Variants in ZCCHC2 observed in about 807,000 individuals in gnomAD.
ZCCHC2 encodes the protein zinc finger CCHC domain-containing protein 2.
A neutral mutation model predicts 103.6 loss-of-function variants in ZCCHC2; 39 were observed. The observed-to-expected ratio is 0.38, with a 90% CI of 0.29 to 0.49. The LOEUF (loss-of-function observed/expected upper bound fraction) is 0.49, where lower values mean the gene tolerates loss of function less well. ZCCHC2 is among the 20% of genes least tolerant of loss of function. The pLI, the probability that ZCCHC2 is intolerant of heterozygous loss-of-function variation, is 0.96. For synonymous variants in ZCCHC2, 687 were observed against 608.9 expected (o/e 1.13, Z -1.89); for missense variants, 1,483 against 1,491.0 (o/e 0.99, Z 0.09).
downstream of ZCCHC2, among the ~76,000 whole-genome samples, chr18:62,579,069 C>G (rs1377253995): frequency 6.6e-6 from 1 of 152,104 alleles, no homozygotes; most frequent in African/African-American, 2.4e-5. Flanking sequence ...TGCCCGGCCT[C>G]CCAAGTAACT....
chr18:62,568,512 G>A (rs780771862), intron 11 of ZCCHC2, among the ~76,000 whole-genome samples: 32 of 152,144 alleles, frequency 2.1e-4, no homozygotes, highest in Admixed American at 1.3e-4. Flanking sequence ...TGGAAGCTGC[G>A]GTTTTGTATA....
At chr18:62,539,949 G>A (rs761365229) in intron 2 of ZCCHC2, among the ~76,000 whole-genome samples, 157 bp downstream of exon 2, 1 of 152,164 alleles carries the variant, frequency 6.6e-6, no homozygotes, top group African/African-American at 2.4e-5. Context: ...TCCTAGTTCT[G>A]CCATCTGCAC....
intron 9 of ZCCHC2, among the ~76,000 whole-genome samples, chr18:62,563,396 C>T (rs967667471): frequency 6.6e-6 from 1 of 152,154 alleles, no homozygotes; most frequent in Admixed American, 6.6e-5. Flanking sequence ...CCATGGGTCA[C>T]GCTTCTAATC....
At chr18:62,569,960 A>G in intron 11 of ZCCHC2, 143 bp from the exon 12 acceptor site, 1 of 655,010 alleles carries the variant, frequency 1.5e-6, no homozygotes, top group Non-Finnish European at 2.5e-6. Context: ...TAATTTAATC[A>G]GTTTAGATCA....
chr18:62,530,183 G>A (rs1914620193), intron 1 of ZCCHC2, among the ~76,000 whole-genome samples: 1 of 152,106 alleles, frequency 6.6e-6, no homozygotes, highest in African/African-American at 2.4e-5. Context: ...TGGAGAAGGG[G>A]TCAGGAAGAG....
Position 62,524,205 on chromosome 18 carries a change from C to G in ZCCHC2, c.781C>G (p.Leu261Val), listed in dbSNP as rs578197659. 3 of 1,549,908 alleles carry G rather than the reference C, an allele frequency of 1.9e-6. No homozygotes were observed. Among genetic ancestry groups the G allele is most frequent in the Non-Finnish European group, 2.6e-6 (3 of 1,146,648 alleles). Residue 261 changes from leucine (L) to valine (V), a missense_variant, in exon 1 of 14, where the codon CTG becomes GTG. Around this residue, in one of 3 missense-constraint regions of ZCCHC2, gnomAD observed 568 missense variants for 525.1 expected, o/e 1.08. Coordinates refer to ENST00000269499, the MANE Select transcript of ZCCHC2 (RefSeq NM_017742.6). ...LGSRAQEELL[L>V]LFTMASLHPA... is the part of the protein sequence containing the mutation. ...CTCCAGGGCCCAGGAGGAACTGCTG[C>G]TGCTCTTCACCATGGCCTCGCTGCA...
intron 12 of ZCCHC2, among the ~76,000 whole-genome samples, chr18:62,573,044 A>G (rs1916653501): frequency 6.6e-6 from 1 of 152,192 alleles, no homozygotes; most frequent in Non-Finnish European, 1.5e-5. Flanking sequence ...GCTTTCATTT[A>G]ATCTTTCTTC....
chr18:62,526,704 C>T (rs1914415681), intron 1 of ZCCHC2, among the ~76,000 whole-genome samples: 2 of 152,030 alleles, frequency 1.3e-5, no homozygotes, highest in African/African-American at 2.4e-5. Flanking sequence ...CGCGTGGAGG[C>T]GCCGCGACCC....
intron 1 of ZCCHC2, 154 bp from the exon 2 acceptor site, chr18:62,539,527 A>G (rs1305678418): frequency 3.6e-6 from 2 of 548,762 alleles, no homozygotes; most frequent in Non-Finnish European, 6.5e-6. Flanking sequence ...TGCGGCTCTC[A>G]CACTGTGCCT....
intron 4 of ZCCHC2, among the ~76,000 whole-genome samples, chr18:62,548,547 G>A (rs1482073672): frequency 6.6e-6 from 1 of 152,202 alleles, no homozygotes; most frequent in African/African-American, 2.4e-5. Context: ...AAAATGGGTA[G>A]TAGGATATAT....
chr18:62,548,421 T>C (rs531394775), intron 4 of ZCCHC2, among the ~76,000 whole-genome samples: 8 of 152,348 alleles, frequency 5.3e-5, no homozygotes, highest in African/African-American at 1.4e-4. Context: ...TCAATAGTTA[T>C]ACGCTGTTGC....
At chr18:62,542,458 T>C (rs1915238265) in intron 2 of ZCCHC2, 40 bp from the exon 3 acceptor site, 2 of 1,513,528 alleles carry the variant, frequency 1.3e-6, no homozygotes, top group Non-Finnish European at 1.8e-6. Context: ...GTGTCTATAG[T>C]CTTTGTAGCA....
chr18:62,574,874 G>A lies in ZCCHC2; in HGVS notation c.2793G>A (p.Gln931=). 6.2e-7 allele frequency: 1 copy of A among 1,613,844 alleles called. No individual in the cohort carries two copies. ...SPLAAGVLPS[Q]NSSVLSTAAT... ...TTGCTGCCGGCGTGTTACCCAGCCAGAACTCCAGTGTGCTCAGCACAGCAG... is the reference window on the plus strand; with the variant it reads ...TTGCTGCCGGCGTGTTACCCAGCCAAAACTCCAGTGTGCTCAGCACAGCAG... The change falls in exon 13 of 14, where the codon CAG becomes CAA. Residue 931 remains glutamine, a synonymous_variant. Coordinates refer to ENST00000269499, the MANE Select transcript of ZCCHC2 (RefSeq NM_017742.6).
chr18:62,539,719 G>A lies in ZCCHC2; in HGVS notation c.978G>A (p.Glu326=). Residue 326 remains glutamate (E), a synonymous_variant, in exon 2 of 14, where the codon GAG becomes GAA. Transcript: ENST00000269499. ...ATGGTGATTACATGCAAAATAACGAGAGCAGCTTAATAGAGCAAGCTCCAA... is the reference window on the plus strand; with the variant it reads ...ATGGTGATTACATGCAAAATAACGAAAGCAGCTTAATAGAGCAAGCTCCAA... ...SAHGDYMQNN[E]SSLIEQAPIP... 6.2e-7 allele frequency: 1 copy of A among 1,604,250 alleles called. No individual in the cohort carries two copies. The highest frequency in any genetic ancestry group is 8.5e-7 in the Non-Finnish European group (1 of 1,175,354).
Position 62,523,585 on chromosome 18 carries a change from C to A in ZCCHC2, c.161C>A (p.Ser54Ter). 1.0e-6 allele frequency: 1 copy of A among 976,290 alleles called. No homozygotes were observed. Among genetic ancestry groups the A allele is most frequent in the South Asian group, 4.7e-5 (1 of 21,056 alleles). The allele number at this position is 976,290 out of a possible 1,614,324, so 60.5% of individuals were successfully genotyped here. The change falls in exon 1 of 14, where the codon TCG becomes TAG. Residue 54 changes from serine to a stop codon, truncating the protein, a stop_gained. Coordinates refer to ENST00000269499, the MANE Select transcript of ZCCHC2 (RefSeq NM_017742.6). LOFTEE classifies it high-confidence loss of function. ...CCGCCGCCGCCGCCCGCGGGCCCGT[C>A]GCGGGGCCCTCTGCCGCCGCCGCCG... ...PPPPPPPAGP[S>*]RGPLPPPPPP... is the part of the protein sequence containing the mutation.
At chr18:62,534,328 AT>A (rs1598931916) in intron 1 of ZCCHC2, among the ~76,000 whole-genome samples, 1 of 151,248 alleles carries the variant, frequency 6.6e-6, no homozygotes, top group East Asian at 1.9e-4. Context: ...AAAAAAAAAA[AT>A]CTGATTATTT....
At position 62,576,744 on chromosome 18, in the gene ZCCHC2, T is replaced by C. The variant is rs144366059; in HGVS notation, c.*165T>C. 5.2e-4 allele frequency: 326 copies of C among 629,030 alleles called. 1 individual carries two copies. The African/African-American group carries it at 5.5e-3, about 11-fold the overall frequency. 39.0% of individuals were successfully genotyped at this position (629,030 alleles called of 1,614,324 possible). On this transcript the variant is annotated 3_prime_UTR_variant, in exon 14 of 14. Transcript: ENST00000269499. ...TACCAATGTCCAAAACAAGAAAGAA[T>C]GCAATGCTTTTGAGCCTCTGGTCTC... is the stretch of plus-strand genomic sequence containing the variant.
At chr18:62,526,304 TGGG>T (rs1914392282) in intron 1 of ZCCHC2, 1 of 152,174 alleles carries the variant, frequency 6.6e-6, no homozygotes, top group Admixed American at 6.5e-5. Context: ...TCAAGTGAAG[TGGG>T]GGAATAAATC....
chr18:62,528,992 T>G (rs1217813792), intron 1 of ZCCHC2, among the ~76,000 whole-genome samples: 1 of 151,830 alleles, frequency 6.6e-6, no homozygotes, highest in African/African-American at 2.4e-5. Context: ...AAACCCTATC[T>G]CTACTAAAAA....
Sources: gnomAD v4.1 joint callset for allele counts (sites outside exome capture counted in the v4.1 genomes callset) on GRCh38, gnomAD v4.1.1 for gene constraint, gnomAD v4.1.1 regional missense constraint, MANE v1.5 for transcripts, NCBI Gene and HGNC (gene_info 2026-07-23, HGNC 2026-07-21) for gene names.